The following APBB2 variants were observed in gnomAD, a reference collection of about 807,000 sequenced individuals.
The protein encoded by APBB2 is amyloid beta precursor protein binding family B member 2.
In APBB2, 38 loss-of-function variants were observed where a neutral mutation model predicts 82.5. The ratio of observed to expected loss-of-function variants is 0.46; its 90% CI spans 0.36 to 0.60. The LOEUF (loss-of-function observed/expected upper bound fraction) is 0.60, where lower values mean the gene tolerates loss of function less well. Among genes scored for constraint, APBB2 ranks in the 20% least tolerant of loss-of-function variants. APBB2 has a pLI of 0.00. For missense variants in APBB2, 772 were observed against 972.3 expected (o/e 0.79, Z 2.74); for synonymous variants, 341 against 368.2 (o/e 0.93, Z 0.85).
intron 3 of APBB2, among the ~76,000 whole-genome samples, chr4:41,072,553 AAGGGCAC>A (rs2153904939): frequency 6.6e-6 from 1 of 152,318 alleles, no homozygotes; most frequent in South Asian, 2.1e-4. Context: ...ATAAGATCTG[AAGGGCAC>A]AGGGCACGGC....
At chr4:40,924,183 C>T (rs754352882) in intron 10 of APBB2, among the ~76,000 whole-genome samples, 1 of 152,192 alleles carries the variant, frequency 6.6e-6, no homozygotes, top group Non-Finnish European at 1.5e-5. Context: ...TGAATGCCAA[C>T]CTAAAAGCCA....
At chr4:41,035,597 G>C (rs572024618) in intron 4 of APBB2, among the ~76,000 whole-genome samples, 2 of 152,144 alleles carry the variant, frequency 1.3e-5, no homozygotes, top group Non-Finnish European at 1.5e-5. Flanking sequence ...TACCAGTAGA[G>C]AGAAAGTCAA....
intron 6 of APBB2, among the ~76,000 whole-genome samples, chr4:40,961,571 C>T (rs1287810070): frequency 6.8e-6 from 1 of 147,126 alleles, no homozygotes; most frequent in Non-Finnish European, 1.5e-5. Flanking sequence ...GTGCAGCGCA[C>T]CAGCGTGGCA....
chr4:40,918,437 G>A lies in APBB2; in HGVS notation c.1254+16019C>T, dbSNP rs140754156. On this transcript the variant is annotated intron_variant, in intron 10 of 17. Transcript: ENST00000508593. ...TAACTTTTTAAGTTAAAAGATTTGG[G>A]GGAAAATGTTTTATAGGCACTACAC... Among the ~76,000 whole-genome samples the A allele has an allele frequency of 3.9e-4, 59 of 152,356 alleles. No homozygotes were observed. In the East Asian group the frequency reaches 9.8e-3, roughly 25 times the overall value.
intron 11 of APBB2, chr4:40,890,736 C>A: frequency 4.8e-6 from 2 of 414,564 alleles, no homozygotes; most frequent in Non-Finnish European, 4.3e-6. Flanking sequence ...GCTTTCCAGG[C>A]TGCTCTTAAA....
chr4:41,042,934 A>C (rs1451463976), intron 4 of APBB2, among the ~76,000 whole-genome samples: 1 of 152,186 alleles, frequency 6.6e-6, no homozygotes, highest in African/African-American at 2.4e-5. Flanking sequence ...ACAACAACCA[A>C]ATGAGATTGT....
intron 12 of APBB2, among the ~76,000 whole-genome samples, chr4:40,834,896 C>T (rs1431688471): frequency 1.3e-5 from 2 of 152,152 alleles, no homozygotes; most frequent in Non-Finnish European, 2.9e-5. Flanking sequence ...CGGTTTGTGG[C>T]CATTTGTTAC....
chr4:41,099,969 G>T (rs1481419984), intron 3 of APBB2, among the ~76,000 whole-genome samples: 1 of 151,922 alleles, frequency 6.6e-6, no homozygotes, highest in Admixed American at 6.6e-5. Context: ...CGACTTTATA[G>T]ATCTGTAAGG....
At chr4:40,882,827 G>A (rs1317034204) in intron 12 of APBB2, among the ~76,000 whole-genome samples, 1 of 152,212 alleles carries the variant, frequency 6.6e-6, no homozygotes, top group African/African-American at 2.4e-5. Context: ...TTTTCACACT[G>A]CGTCGGAACG....
chr4:40,918,767 T>TG (rs34859073), intron 10 of APBB2, among the ~76,000 whole-genome samples: 14,831 of 149,216 alleles, frequency 0.099, 915 homozygotes, highest in Middle Eastern at 0.15. Flanking sequence ...CTGTTTTTTT[T>TG]TTTGTTTGTT....
intron 5 of APBB2, among the ~76,000 whole-genome samples, chr4:41,016,923 T>C (rs547516921): frequency 1.6e-4 from 24 of 152,184 alleles, no homozygotes; most frequent in African/African-American, 5.8e-4. Context: ...TGAGACAGGG[T>C]CTTGCTCTGT....
intron 1 of APBB2, among the ~76,000 whole-genome samples, chr4:41,166,192 A>C (rs1490380809): frequency 6.6e-6 from 1 of 151,896 alleles, no homozygotes; most frequent in Non-Finnish European, 1.5e-5. Context: ...TCTGCTCCAA[A>C]AGGGAAGCAA....
At chr4:40,854,790 C>CAAAAAAA (rs80240731) in intron 12 of APBB2, among the ~76,000 whole-genome samples, 4,303 of 123,984 alleles carry the variant, frequency 0.035, 83 homozygotes, top group African/African-American at 0.082. Flanking sequence ...AGTCCATCTC[C>CAAAAAAA]AAAAAAAAAA....
chr4:41,138,765 T>C (rs1001329743), intron 2 of APBB2, among the ~76,000 whole-genome samples: 1 of 152,086 alleles, frequency 6.6e-6, no homozygotes, highest in African/African-American at 2.4e-5. Context: ...TAAATAATAA[T>C]AACATCCAGA....
chr4:40,889,859 T>C (rs537374055), intron 12 of APBB2, among the ~76,000 whole-genome samples: 4 of 152,156 alleles, frequency 2.6e-5, no homozygotes, highest in Non-Finnish European at 5.9e-5. Context: ...GTTAAAAAAG[T>C]TTAGCCAATC....
At position 40,861,211 on chromosome 4, in the gene APBB2, G is replaced by A. The variant is rs976024970; in HGVS notation, c.1529+29153C>T. Among the ~76,000 whole-genome samples the A allele has an allele frequency of 1.5e-4, 23 of 152,228 alleles. No individual in the cohort carries two copies. In the East Asian group the frequency reaches 3.9e-3, roughly 26 times the overall value. On this transcript the variant is annotated intron_variant, in intron 12 of 17. Coordinates refer to ENST00000508593, the MANE Select transcript of APBB2 (RefSeq NM_004307.2). ...ACTAAAAATACAAAATTAGCCGGGC[G>A]TGGTGGCACGTGCCTGTAATCCCAG...
At chr4:40,852,353 A>C (rs1759759898) in intron 12 of APBB2, among the ~76,000 whole-genome samples, 1 of 48,610 alleles carries the variant, frequency 2.1e-5, no homozygotes, top group Non-Finnish European at 3.6e-5. Flanking sequence ...TCTGTCTTCA[A>C]AAAAAAAAAA....
chr4:41,159,713 CA>C (rs1310906313), intron 1 of APBB2, among the ~76,000 whole-genome samples: 2 of 151,738 alleles, frequency 1.3e-5, no homozygotes, highest in Non-Finnish European at 2.9e-5. Context: ...GCAGAAAAAG[CA>C]AAGGGATGTG....
Position 40,934,706 on chromosome 4 carries a change from G to A in APBB2, c.1108-7C>T, listed in dbSNP as rs369717829. The A allele has an allele frequency of 1.9e-5, 31 of 1,606,314 alleles. No homozygotes were observed. Among genetic ancestry groups the A allele is most frequent in the Non-Finnish European group, 2.5e-5 (29 of 1,173,232 alleles). ...CAGTGGCTGCATGCAAATCCTAGAG[G>A]AAAATAGAACCTTGTTAATGTACAA... On this transcript the variant is annotated splice_polypyrimidine_tract_variant and splice_region_variant and intron_variant, in intron 8 of 17. Coordinates refer to ENST00000508593, the MANE Select transcript of APBB2 (RefSeq NM_004307.2).
Sources: gnomAD v4.1 joint callset for allele counts (sites outside exome capture counted in the v4.1 genomes callset) on GRCh38, gnomAD v4.1.1 for gene constraint, MANE v1.5 for transcripts, NCBI Gene and HGNC (gene_info 2026-07-23, HGNC 2026-07-21) for gene names.